ZMYM4: variants seen among roughly 807,000 people sequenced by gnomAD.
ZMYM4 encodes the protein zinc finger MYM-type containing 4.
ZMYM4 carries 31 observed loss-of-function variants against 183.2 expected under a neutral mutation model. That is an observed-to-expected ratio of 0.17 (90% confidence interval 0.13 to 0.23). The LOEUF (loss-of-function observed/expected upper bound fraction) is 0.23, where lower values mean the gene tolerates loss of function less well. Among genes scored for constraint, ZMYM4 ranks in the 10% least tolerant of loss-of-function variants. ZMYM4 has a pLI of 1.00. For synonymous variants in ZMYM4, 592 were observed against 631.2 expected, an observed-to-expected ratio of 0.94 and a Z score of 0.93; for missense variants, 1,273 against 1,840.3, an observed-to-expected ratio of 0.69 and a Z score of 5.64.
chr1:35,319,069 A>G (rs1642175651), intron 1 of ZMYM4, among the ~76,000 whole-genome samples: 2 of 151,986 alleles, frequency 1.3e-5, no homozygotes, highest in Admixed American at 6.6e-5. Context: ...CAGTAGAGAC[A>G]GGGTTTCTCT....
chr1:35,372,369 T>C (rs1425057782), intron 7 of ZMYM4, among the ~76,000 whole-genome samples: 2 of 152,266 alleles, frequency 1.3e-5, no homozygotes, highest in Admixed American at 6.5e-5. Context: ...ACATAAACCA[T>C]GAGGAAGTAG....
chr1:35,307,533 A>T (rs1427942429), intron 1 of ZMYM4, among the ~76,000 whole-genome samples: 5 of 147,640 alleles, frequency 3.4e-5, no homozygotes, highest in African/African-American at 9.9e-5. Flanking sequence ...TATTATTATT[A>T]TTATTATTAT....
chr1:35,358,783 A>G (rs972304297), intron 2 of ZMYM4, 142 bp from the exon 3 acceptor site: 8 of 716,416 alleles, frequency 1.1e-5, no homozygotes, highest in South Asian at 8.3e-5. Flanking sequence ...TGTCACACCT[A>G]TATCAAAGTG....
chr1:35,347,710 G>A (rs1643450712), intron 2 of ZMYM4, among the ~76,000 whole-genome samples: 1 of 152,052 alleles, frequency 6.6e-6, no homozygotes, highest in South Asian at 2.1e-4. Context: ...TTAGAAGGAA[G>A]AATAGTAGGA....
intron 1 of ZMYM4, among the ~76,000 whole-genome samples, chr1:35,317,101 GA>G (rs1642078879): frequency 7.2e-6 from 1 of 138,034 alleles, no homozygotes; most frequent in Admixed American, 7.4e-5. Context: ...CAGCCTGGGG[GA>G]CAAGAGCGAG....
intron 7 of ZMYM4, among the ~76,000 whole-genome samples, chr1:35,371,262 C>T (rs1299252410): frequency 6.6e-6 from 1 of 151,900 alleles, no homozygotes; most frequent in Non-Finnish European, 1.5e-5. Context: ...ACTACAGGTG[C>T]CCGCCACCAT....
intron 1 of ZMYM4, among the ~76,000 whole-genome samples, chr1:35,289,190 A>G (rs1355054968): frequency 6.6e-6 from 1 of 152,210 alleles, no homozygotes; most frequent in Non-Finnish European, 1.5e-5. Context: ...GTTTTTGTGT[A>G]TGATCTAAAG....
chr1:35,325,363 G>T lies in ZMYM4; in HGVS notation c.43G>T (p.Glu15Ter). The T allele has an allele frequency of 1.2e-6, 2 of 1,601,440 alleles. No individual in the cohort carries two copies. The highest frequency in any genetic ancestry group is 2.3e-5 in the East Asian group (1 of 44,356). ...EVESGPRKRF[E>*]QKSGAVFDEI... ...TTTTCCTTTTTTGCTTTTCCAGTTT[G>T]AACAAAAAAGTGGTGCAGTTTTTGA... The change falls in exon 2 of 30, where the codon GAA becomes TAA. Residue 15 changes from glutamate to a stop codon, truncating the protein, a stop_gained. Coordinates refer to ENST00000314607, the MANE Select transcript of ZMYM4 (RefSeq NM_005095.3). LOFTEE classifies it high-confidence loss of function.
intron 15 of ZMYM4, among the ~76,000 whole-genome samples, chr1:35,390,387 C>T (rs1644677805): frequency 6.6e-6 from 1 of 150,566 alleles, no homozygotes; most frequent in Admixed American, 6.6e-5. Flanking sequence ...TGGGGTGGGG[C>T]CGTTTTATAA....
chr1:35,399,797 CTTTG>C (rs942639257), intron 23 of ZMYM4, among the ~76,000 whole-genome samples: 5 of 151,832 alleles, frequency 3.3e-5, no homozygotes, highest in Non-Finnish European at 4.4e-5. Context: ...TTTTATATTG[CTTTG>C]TTTACTTTAA....
intron 7 of ZMYM4, among the ~76,000 whole-genome samples, chr1:35,373,167 A>T (rs1644251623): frequency 6.6e-6 from 1 of 151,902 alleles, no homozygotes; most frequent in African/African-American, 2.4e-5. Context: ...TCAAAAAAAA[A>T]GAAAGAAAAT....
chr1:35,278,426 G>GTTT (rs35594581), intron 1 of ZMYM4, among the ~76,000 whole-genome samples: 2 of 124,580 alleles, frequency 1.6e-5, no homozygotes, highest in Non-Finnish European at 3.6e-5. Context: ...CATGAACTCT[G>GTTT]TTTTTTTTTT....
At chr1:35,412,089 C>G (rs542599460) in intron 26 of ZMYM4, among the ~76,000 whole-genome samples, 3,646 of 151,502 alleles carry the variant, frequency 0.024, 69 homozygotes, top group Non-Finnish European at 0.037. Context: ...GACAGGGTTT[C>G]ACCGTGGTCT....
intron 28 of ZMYM4, 56 bp downstream of exon 28, chr1:35,415,770 TAGAG>T: frequency 1.3e-6 from 2 of 1,574,914 alleles, no homozygotes; most frequent in Non-Finnish European, 1.7e-6. Context: ...AGTACTAAAA[TAGAG>T]AGTTACTGCA....
At chr1:35,270,403 C>T (rs1488822066) in intron 1 of ZMYM4, among the ~76,000 whole-genome samples, 1 of 152,002 alleles carries the variant, frequency 6.6e-6, no homozygotes, top group Non-Finnish European at 1.5e-5. Context: ...TTGAACTATC[C>T]GTCAATATTA....
chr1:35,320,032 T>A (rs907891134), intron 1 of ZMYM4, among the ~76,000 whole-genome samples: 3 of 152,218 alleles, frequency 2.0e-5, no homozygotes, highest in African/African-American at 4.8e-5. Flanking sequence ...AATAAAAATA[T>A]CTTTGGGCTA....
intron 2 of ZMYM4, among the ~76,000 whole-genome samples, chr1:35,345,028 T>G (rs1041276508): frequency 1.3e-5 from 2 of 152,236 alleles, no homozygotes; most frequent in African/African-American, 2.4e-5. Context: ...TTTCTCTATC[T>G]GCACAGTCAG....
rs375542419 is a variant in ZMYM4, at chr1:35,398,385, T to G, written c.3200-28T>G. ...ATATAATTTGTTGTCTAAACATAAA[T>G]TATTTATGTGCTTTTCTTTTTCTTT... On this transcript the variant is annotated intron_variant, in intron 20 of 29. Coordinates refer to ENST00000314607, the MANE Select transcript of ZMYM4 (RefSeq NM_005095.3). 1.2e-5 allele frequency: 19 copies of G among 1,597,874 alleles called. No individual in the cohort carries two copies. The African/African-American group carries it at 2.6e-4, about 22-fold the overall frequency.
intron 3 of ZMYM4, among the ~76,000 whole-genome samples, chr1:35,360,392 A>G (rs1643909850): frequency 2.0e-5 from 3 of 152,224 alleles, no homozygotes; most frequent in Middle Eastern, 6.8e-3. Context: ...GCTGTGAAGG[A>G]AAGCAAGTAT....
Sources: gnomAD v4.1 joint callset for allele counts (sites outside exome capture counted in the v4.1 genomes callset) on GRCh38, gnomAD v4.1.1 for gene constraint, MANE v1.5 for transcripts, NCBI Gene and HGNC (gene_info 2026-07-23, HGNC 2026-07-21) for gene names.